IL24: variants seen among roughly 807,000 people sequenced by gnomAD.
The protein encoded by IL24 is interleukin 24.
A neutral mutation model predicts 27.6 loss-of-function variants in IL24; 24 were observed. The ratio of observed to expected loss-of-function variants is 0.87; its 90% CI spans 0.63 to 1.22. The LOEUF (loss-of-function observed/expected upper bound fraction) is 1.22. Ranked by LOEUF, IL24 falls within the 50% of genes most tolerant of loss-of-function variation. The probability of loss-of-function intolerance (pLI) is 0.00; values close to 1 mark genes in which losing one functional copy is unlikely to be tolerated. For synonymous variants in IL24, 99 were observed against 93.1 expected, an observed-to-expected ratio of 1.06 and a Z score of -0.36; for missense variants, 240 against 237.0, an observed-to-expected ratio of 1.01 and a Z score of -0.08.
chr1:206,899,052 A>T (rs377504562), intron 2 of IL24, among the ~76,000 whole-genome samples: 2 of 152,230 alleles, frequency 1.3e-5, no homozygotes, highest in African/African-American at 4.8e-5. Flanking sequence ...GAGAAGGAGG[A>T]GGTGCAGGGC....
chr1:206,902,921 G>T lies in IL24; in HGVS notation c.538-55G>T, dbSNP rs1572609230. 1.3e-5 allele frequency: 21 copies of T among 1,613,610 alleles called. No individual in the cohort carries two copies. In the East Asian group the frequency reaches 4.7e-4, roughly 36 times the overall value. ...CTATTTTAGGCATGGCAGGTTGGAA[G>T]AAAGACTATTCTCATAGCTAACATG... is the stretch of plus-strand genomic sequence containing the variant. On this transcript the variant is annotated intron_variant, in intron 6 of 6. Transcript: ENST00000294984.
chr1:206,898,164 C>CAAAA (rs59175256), intron 2 of IL24, among the ~76,000 whole-genome samples: 25 of 100,014 alleles, frequency 2.5e-4, no homozygotes, highest in African/African-American at 7.6e-4. Flanking sequence ...GAAATTCTGT[C>CAAAA]AAAAAAAAAA....
At chr1:206,901,908 G>A in intron 5 of IL24, 90 bp from the exon 6 acceptor site, 2 of 1,326,324 alleles carry the variant, frequency 1.5e-6, no homozygotes, top group Admixed American at 1.8e-5. Flanking sequence ...GGCTTTGGGA[G>A]ACCCTGTGGC....
At position 206,903,633 on chromosome 1, in the gene IL24, A is replaced by G. The variant is rs1373957481; in HGVS notation, c.*574A>G. 6.5e-6 allele frequency: 1 copy of G among 152,948 alleles called. No individual in the cohort carries two copies. The highest frequency in any genetic ancestry group is 2.4e-5 in the African/African-American group (1 of 41,438). The allele number at this position is 152,948 out of a possible 1,614,324, so 9.5% of individuals were successfully genotyped here. ...AAAAGTAAACGATAAAATGTGGATT[A>G]AAGTGCCCAGCACAAAGCAGATCCT... On this transcript the variant is annotated 3_prime_UTR_variant, in exon 7 of 7. Coordinates refer to ENST00000294984, the MANE Select transcript of IL24 (RefSeq NM_006850.3).
Position 206,903,049 on chromosome 1 carries a change from A to G in IL24, c.611A>G (p.Tyr204Cys). Residue 204 changes from tyrosine to cysteine, a missense_variant, in exon 7 of 7, where the codon TAC becomes TGC. Coordinates refer to ENST00000294984, the MANE Select transcript of IL24 (RefSeq NM_006850.3). Reference protein sequence around the residue: ...DILLTWMQKFYKL With the variant: ...DILLTWMQKFCKL ...CTTCTGACCTGGATGCAGAAATTCT[A>G]CAAGCTCTGAATGTCTAGACCAGGA... 6.2e-7 allele frequency: 1 copy of G among 1,613,974 alleles called. No homozygotes were observed. The highest frequency in any genetic ancestry group is 1.6e-4 in the Middle Eastern group (1 of 6,062).
Position 206,901,994 on chromosome 1 carries a change from G to A in IL24, c.463-4G>A. On this transcript the variant is annotated splice_polypyrimidine_tract_variant and splice_region_variant and intron_variant, in intron 5 of 6. Transcript: ENST00000294984. ...GGCACAACTTCTTTTCCCATGTTAT[G>A]TAGCAAGAAAATGAGATGTTTTCCA... 1 of 1,613,978 alleles carries A rather than the reference G, an allele frequency of 6.2e-7. No individual in the cohort carries two copies. The highest frequency in any genetic ancestry group is 1.7e-5 in the Admixed American group (1 of 60,002).
chr1:206,899,431 A>C lies in IL24; in HGVS notation c.156A>C (p.Gln52His), dbSNP rs1172555281. 1.2e-6 allele frequency: 2 copies of C among 1,614,198 alleles called. No individual in the cohort carries two copies. Among genetic ancestry groups the C allele is most frequent in the Non-Finnish European group, 1.7e-6 (2 of 1,180,014 alleles). ...LWSQVSGAQG[Q>H]EFHFGPCQVK... ...GCCAGGTATCAGGGGCCCAGGGCCAAGAATTCCACTTTGGGCCCTGCCAAG... is the reference window on the plus strand; with the variant it reads ...GCCAGGTATCAGGGGCCCAGGGCCACGAATTCCACTTTGGGCCCTGCCAAG... The change falls in exon 3 of 7, where the codon CAA becomes CAC. Residue 52 changes from glutamine to histidine, a missense_variant. By Grantham distance (24) the Gln-to-His change is conservative. Transcript: ENST00000294984.
At chr1:206,898,951 C>T (rs1469614198) in intron 2 of IL24, among the ~76,000 whole-genome samples, 2 of 152,152 alleles carry the variant, frequency 1.3e-5, no homozygotes, top group Non-Finnish European at 2.9e-5. Context: ...GGTTTGGGCT[C>T]CCCAGACGTG....
chr1:206,901,937 A>G, intron 5 of IL24, 61 bp from the exon 6 acceptor site: 1 of 1,527,114 alleles, frequency 6.5e-7, no homozygotes. Flanking sequence ...GAAAACTGAG[A>G]GGGAGTTTGC....
intron 5 of IL24, 131 bp from the exon 6 acceptor site, chr1:206,901,866 TG>T (rs1410471964): frequency 1.4e-5 from 13 of 959,596 alleles, no homozygotes; most frequent in East Asian, 2.5e-5. Flanking sequence ...TTGGTTACCT[TG>T]GGGAATGCAG....
At chr1:206,899,923 A>G (rs1427214080) in intron 3 of IL24, among the ~76,000 whole-genome samples, 1 of 152,212 alleles carries the variant, frequency 6.6e-6, no homozygotes, top group Non-Finnish European at 1.5e-5. Context: ...ACCACATGGA[A>G]TATGGAGCCA....
chr1:206,902,369 AAG>A, intron 6 of IL24: 2 of 985,394 alleles, frequency 2.0e-6, no homozygotes, highest in Non-Finnish European at 2.4e-6. Flanking sequence ...CTGAAGTCAG[AAG>A]AGAGGGAGAA....
At chr1:206,899,894 C>T (rs1572604935) in intron 3 of IL24, among the ~76,000 whole-genome samples, 2 of 152,280 alleles carry the variant, frequency 1.3e-5, no homozygotes, top group South Asian at 2.1e-4. Flanking sequence ...GGCTGTCCTC[C>T]CTCACATCCT....
At chr1:206,902,126 C>T in intron 6 of IL24, 54 bp downstream of exon 6, 1 of 1,606,954 alleles carries the variant, frequency 6.2e-7, no homozygotes, top group Non-Finnish European at 8.5e-7. Context: ...TAGTCTGCAC[C>T]ATCACACGAG....
chr1:206,899,660 G>T (rs1032093551), intron 3 of IL24, 145 bp downstream of exon 3: 2 of 651,562 alleles, frequency 3.1e-6, no homozygotes, highest in East Asian at 3.0e-5. Context: ...ACTCTGTGAG[G>T]TCAGAAGGCA....
At chr1:206,901,179 A>T (rs1678360805) in intron 4 of IL24, among the ~76,000 whole-genome samples, 1 of 152,228 alleles carries the variant, frequency 6.6e-6, no homozygotes, top group African/African-American at 2.4e-5. Context: ...TAAAGAGGCC[A>T]TGTGGCATAG....
intron 6 of IL24, 35 bp from the exon 7 acceptor site, chr1:206,902,941 A>T (rs1379896806): frequency 6.2e-7 from 1 of 1,614,142 alleles, no homozygotes; most frequent in South Asian, 1.1e-5. Context: ...TCTCATAGCT[A>T]ACATGGCTGA....
rs764989315 is a variant in IL24 at position 206,899,442 on chromosome 1, T to A, written c.167T>A (p.Phe56Tyr). 1.9e-6 allele frequency: 3 copies of A among 1,613,930 alleles called. No individual in the cohort carries two copies. Among genetic ancestry groups the A allele is most frequent in the Non-Finnish European group, 2.5e-6 (3 of 1,179,944 alleles). ...VSGAQGQEFH[F>Y]GPCQVKGVVP... ...GGGGCCCAGGGCCAAGAATTCCACTTTGGGCCCTGCCAAGTGAAGGGGGTT... is the reference window on the plus strand; with the variant it reads ...GGGGCCCAGGGCCAAGAATTCCACTATGGGCCCTGCCAAGTGAAGGGGGTT... Residue 56 changes from phenylalanine to tyrosine, a missense_variant, in exon 3 of 7, where the codon TTT (phenylalanine) becomes TAT (tyrosine). Coordinates refer to ENST00000294984, the MANE Select transcript of IL24 (RefSeq NM_006850.3).
intron 2 of IL24, among the ~76,000 whole-genome samples, chr1:206,898,452 C>T (rs371247679): frequency 6.9e-6 from 1 of 144,958 alleles, no homozygotes; most frequent in Non-Finnish European, 1.5e-5. Context: ...AGGGAGGGAG[C>T]GAGAGAGGAA....
Sources: gnomAD v4.1 joint callset for allele counts (sites outside exome capture counted in the v4.1 genomes callset) on GRCh38, gnomAD v4.1.1 for gene constraint, MANE v1.5 for transcripts, NCBI Gene and HGNC (gene_info 2026-07-23, HGNC 2026-07-21) for gene names.